NRXN3: variants seen among roughly 807,000 people sequenced by gnomAD.
NRXN3 encodes the protein neurexin III.
In NRXN3, 32 loss-of-function variants were observed where a neutral mutation model predicts 137.6. The ratio of observed to expected loss-of-function variants is 0.23; its 90% confidence interval spans 0.18 to 0.31. The LOEUF is 0.31. NRXN3 is among the 10% of genes least tolerant of loss of function. NRXN3 has a pLI of 1.00. For synonymous variants in NRXN3, 798 were observed against 784.5 expected (o/e 1.02, Z -0.29); for missense variants, 1,574 against 2,062.5 (o/e 0.76, Z 4.59).
At chr14:78,846,548 A>G (rs1423107132) in intron 10 of NRXN3, among the ~76,000 whole-genome samples, 1 of 152,132 alleles carries the variant, frequency 6.6e-6, no homozygotes, top group Non-Finnish European at 1.5e-5. Context: ...GGTTTTGCTC[A>G]TAAACAGGTG....
intron 15 of NRXN3, among the ~76,000 whole-genome samples, chr14:79,438,039 G>C (rs59213713): frequency 0.047 from 7,190 of 152,154 alleles, 587 homozygotes; most frequent in African/African-American, 0.17. Context: ...AGCCAGCATG[G>C]CTTGTTCTTA....
At chr14:78,768,996 A>G (rs921880562) in intron 8 of NRXN3, among the ~76,000 whole-genome samples, 1 of 152,076 alleles carries the variant, frequency 6.6e-6, no homozygotes, top group Non-Finnish European at 1.5e-5. Context: ...CTTCATCTCC[A>G]TCTCTGGAAG....
chr14:78,551,749 T>G (rs1362157373), intron 4 of NRXN3, among the ~76,000 whole-genome samples: 2 of 147,974 alleles, frequency 1.4e-5, no homozygotes, highest in Non-Finnish European at 3.0e-5. Flanking sequence ...TCTCCCTTTC[T>G]ATCCTCCCTC....
At chr14:79,543,644 C>T (rs1466992628) in intron 16 of NRXN3, among the ~76,000 whole-genome samples, 1 of 152,162 alleles carries the variant, frequency 6.6e-6, no homozygotes, top group Non-Finnish European at 1.5e-5. Context: ...AAATTTGGAG[C>T]TGATGCAGAG....
intron 4 of NRXN3, among the ~76,000 whole-genome samples, chr14:78,441,753 A>G (rs991668721): frequency 6.6e-6 from 1 of 152,126 alleles, no homozygotes; most frequent in African/African-American, 2.4e-5. Context: ...AGATGGAGAG[A>G]TCATCCTGGA....
chr14:79,475,218 A>G (rs932689050), intron 16 of NRXN3, among the ~76,000 whole-genome samples: 1 of 152,194 alleles, frequency 6.6e-6, no homozygotes, highest in Non-Finnish European at 1.5e-5. Context: ...TTTACTATGC[A>G]AATGAAATGT....
intron 19 of NRXN3, among the ~76,000 whole-genome samples, chr14:79,745,521 A>G (rs905079426): frequency 6.6e-5 from 10 of 152,164 alleles, no homozygotes; most frequent in Admixed American, 2.6e-4. Context: ...ACAAATCCAA[A>G]CCAGCAGCAG....
At chr14:78,790,909 C>T (rs2098803363) in intron 8 of NRXN3, among the ~76,000 whole-genome samples, 1 of 152,182 alleles carries the variant, frequency 6.6e-6, no homozygotes, top group East Asian at 1.9e-4. Context: ...AATACTGTAT[C>T]AGTGCCAGTG....
In NRXN3 at chr14:78,234,801, C is replaced by T. The variant is rs573805291; in HGVS notation, c.-703-7590C>T. On this transcript the variant is annotated intron_variant, in intron 1 of 20. Transcript: ENST00000335750. ...GGAACATGGGTGCTCCATGGTTAAACAAAATAAATGAAAAACTTTCTTTTC... is the reference window on the plus strand; with the variant it reads ...GGAACATGGGTGCTCCATGGTTAAATAAAATAAATGAAAAACTTTCTTTTC... 4.3e-5 allele frequency among the ~76,000 whole-genome samples: 6 copies of T among 138,836 alleles called. No homozygotes were observed. In the East Asian group the frequency reaches 1.3e-3, roughly 30 times the overall value. 91.1% of individuals were successfully genotyped at this position (138,836 alleles called of 152,430 possible).
chr14:78,917,494 G>T (rs1019129253), intron 10 of NRXN3, among the ~76,000 whole-genome samples: 4 of 152,170 alleles, frequency 2.6e-5, no homozygotes, highest in African/African-American at 9.7e-5. Context: ...CTTATACAGA[G>T]GACTATATAT....
chr14:79,113,656 C>G (rs557102426), intron 15 of NRXN3, among the ~76,000 whole-genome samples: 40 of 152,286 alleles, frequency 2.6e-4, no homozygotes, highest in African/African-American at 9.6e-4. Context: ...TTTTTTCCCC[C>G]TATGTCACTA....
rs1442448952 is a variant in NRXN3 at position 79,094,973 on chromosome 14, A to AGGT, written c.3262+106833_3262+106834insGTG. On this transcript the variant is annotated intron_variant, in intron 15 of 20. Coordinates refer to ENST00000335750, the MANE Select transcript of NRXN3 (RefSeq NM_001330195.2). ...AAGAGAGAGAGAGAGAGAGAGAGAG[A>AGGT]GAGAGAGTGTGTGTGTGTGTGTGTG... Among the ~76,000 whole-genome samples the AGGT allele has an allele frequency of 3.2e-5, 3 of 94,774 alleles. No individual in the cohort carries two copies. The East Asian group carries it at 1.5e-3, about 48-fold the overall frequency. The allele number at this position is 94,774 out of a possible 152,430, so 62.2% of individuals were successfully genotyped here. A position where few individuals can be genotyped will look rare whatever the true frequency, so the allele number is the denominator to read the frequency against.
intron 4 of NRXN3, among the ~76,000 whole-genome samples, chr14:78,582,652 G>T (rs925839363): frequency 7.2e-5 from 11 of 152,110 alleles, no homozygotes; most frequent in African/African-American, 2.4e-4. Context: ...TAGCATGAAG[G>T]CCCTTGTAAA....
intron 10 of NRXN3, among the ~76,000 whole-genome samples, chr14:78,952,717 T>A (rs2099389406): frequency 6.6e-6 from 1 of 152,238 alleles, no homozygotes; most frequent in Non-Finnish European, 1.5e-5. Context: ...TCATATATTT[T>A]ATGCATTGTA....
chr14:79,489,962 C>T lies in NRXN3; in HGVS notation c.3444+22560C>T, dbSNP rs192305786. On this transcript the variant is annotated intron_variant, in intron 16 of 20. Transcript: ENST00000335750. ...GCTGAGGCAGGAGAATGGCGTGAAC[C>T]TGGGAGGCAGAGCTTGCAGTGAGCC... Among the ~76,000 whole-genome samples, 76 of 144,488 alleles carry T rather than the reference C, an allele frequency of 5.3e-4. 1 individual carries two copies. Among genetic ancestry groups the T allele is most frequent in the African/African-American group, 1.9e-3 (72 of 38,382 alleles). 94.8% of individuals were successfully genotyped at this position (144,488 alleles called of 152,430 possible).
chr14:79,629,044 C>A (rs983503546), intron 16 of NRXN3, among the ~76,000 whole-genome samples: 3 of 152,136 alleles, frequency 2.0e-5, no homozygotes, highest in Non-Finnish European at 4.4e-5. Flanking sequence ...TCTAGTTCAT[C>A]AAAAAGTTTT....
rs373678716 is a variant in NRXN3 at position 78,990,847 on chromosome 14, G to C, written c.3262+2706G>C. Among the ~76,000 whole-genome samples the C allele has an allele frequency of 2.9e-4, 44 of 152,218 alleles. No individual in the cohort carries two copies. In the South Asian group the frequency reaches 8.7e-3, roughly 30 times the overall value. On this transcript the variant is annotated intron_variant, in intron 15 of 20. Coordinates refer to ENST00000335750, the MANE Select transcript of NRXN3 (RefSeq NM_001330195.2). ...AGTTATCTGGAAGACCTTCTGTTTTGGAACTAGCAGCAAAGCCAGTTTGTT... is the reference window on the plus strand; with the variant it reads ...AGTTATCTGGAAGACCTTCTGTTTTCGAACTAGCAGCAAAGCCAGTTTGTT...
rs375576072 is a variant in NRXN3, at chr14:78,945,448, G to A, written c.2276-11794G>A. Among the ~76,000 whole-genome samples the A allele has an allele frequency of 3.7e-3, 556 of 151,708 alleles. 1 individual carries two copies. The highest frequency in any genetic ancestry group is 0.013 in the African/African-American group (526 of 41,330). On this transcript the variant is annotated intron_variant, in intron 10 of 20. Transcript: ENST00000335750. ...TAGTTTTTTACTCTTTATCCTGTAC[G>A]GCCTGTGGAAAATATTTCACTATGA...
In NRXN3 at chr14:79,861,529, C is replaced by T; in HGVS notation, c.4281C>T (p.Gly1427=). 2 of 1,547,702 alleles carry T rather than the reference C, an allele frequency of 1.3e-6. No homozygotes were observed. Among genetic ancestry groups the T allele is most frequent in the Non-Finnish European group, 1.7e-6 (2 of 1,149,716 alleles). The part of the protein sequence containing the change: ...SSGMVPKLPA[G]KMNNRDLKPQ... ...GGATGGTGCCCAAATTGCCAGCTGGCAAAATGAATAACCGTGATCTCAAAC... is the reference window on the plus strand; with the variant it reads ...GGATGGTGCCCAAATTGCCAGCTGGTAAAATGAATAACCGTGATCTCAAAC... The change falls in exon 21 of 21, where the codon GGC becomes GGT. Residue 1427 remains glycine (G), a synonymous_variant. Coordinates refer to ENST00000335750, the MANE Select transcript of NRXN3 (RefSeq NM_001330195.2). This position sits in a 1 kb window ranked among gnomAD's most constrained non-coding sequence, Gnocchi z 5.4.
Sources: gnomAD v4.1 joint callset for allele counts (sites outside exome capture counted in the v4.1 genomes callset) on GRCh38, gnomAD v4.1.1 for gene constraint, Gnocchi (gnomAD v3.1) non-coding constraint, MANE v1.5 for transcripts, NCBI Gene and HGNC (gene_info 2026-07-23, HGNC 2026-07-21) for gene names.